The following DSCAM variants were observed in gnomAD, a reference collection of about 807,000 sequenced individuals.
DSCAM encodes the protein DS cell adhesion molecule, also known as cell adhesion molecule DSCAM.
In DSCAM, 47 loss-of-function variants were observed where a neutral mutation model predicts 217.7. The ratio of observed to expected loss-of-function variants is 0.22; its 90% CI spans 0.17 to 0.28. DSCAM has a LOEUF of 0.28. Ranked by LOEUF, DSCAM falls within the 10% of genes least tolerant of loss-of-function variation. The probability of loss-of-function intolerance (pLI) is 1.00; values close to 1 mark genes in which losing one functional copy is unlikely to be tolerated. For synonymous variants in DSCAM, 1,056 were observed against 1,015.3 expected (o/e 1.04, Z -0.76); for missense variants, 2,080 against 2,618.3 (o/e 0.79, Z 4.49).
rs760511172 is a variant in DSCAM, at chr21:40,620,376, AAG to A, written c.508+72432_508+72433del. On this transcript the variant is annotated intron_variant, in intron 3 of 32. Coordinates refer to ENST00000400454, the MANE Select transcript of DSCAM (RefSeq NM_001389.5). ...GAGAGAGAAAAAAGAAAAAGAAAGA[AAG>A]AAAGAAAGAGAAAGAAAGAAAGAAA... Among the ~76,000 whole-genome samples the A allele has an allele frequency of 3.1e-5, 3 of 98,206 alleles. 1 individual carries two copies. The highest frequency in any genetic ancestry group is 5.0e-5 in the Non-Finnish European group (2 of 40,172). 64.4% of individuals were successfully genotyped at this position (98,206 alleles called of 152,430 possible).
intron 11 of DSCAM, among the ~76,000 whole-genome samples, chr21:40,198,011 G>A (rs2091032389): frequency 6.6e-6 from 1 of 152,104 alleles, no homozygotes; most frequent in South Asian, 2.1e-4. Context: ...GAACACCCTT[G>A]GAAGCCCCTC....
chr21:40,556,655 G>C (rs963992646), intron 3 of DSCAM, among the ~76,000 whole-genome samples: 1 of 117,350 alleles, frequency 8.5e-6, no homozygotes, highest in Non-Finnish European at 2.0e-5. Flanking sequence ...GAGGAAGTCA[G>C]AGAGAGAGAG....
At chr21:40,467,822 C>T (rs1215205678) in intron 3 of DSCAM, among the ~76,000 whole-genome samples, 3 of 150,656 alleles carry the variant, frequency 2.0e-5, no homozygotes, top group South Asian at 2.1e-4. Context: ...GAAAATAAAT[C>T]GTGGGACCCC....
intron 28 of DSCAM, among the ~76,000 whole-genome samples, chr21:40,062,267 C>T (rs892757584): frequency 3.9e-5 from 6 of 152,198 alleles, no homozygotes; most frequent in African/African-American, 1.2e-4. Flanking sequence ...CATTCTCGTA[C>T]TCATTCAATA....
chr21:40,190,859 T>C (rs2090946135), intron 11 of DSCAM, among the ~76,000 whole-genome samples: 1 of 152,202 alleles, frequency 6.6e-6, no homozygotes, highest in African/African-American at 2.4e-5. Context: ...GATGATACAG[T>C]TGTCAGATAC....
At chr21:40,468,998 C>T (rs762784059) in intron 3 of DSCAM, among the ~76,000 whole-genome samples, 10 of 152,050 alleles carry the variant, frequency 6.6e-5, no homozygotes, top group Non-Finnish European at 1.0e-4. Flanking sequence ...CAAGATGCCA[C>T]TCAGTGCCCA....
chr21:40,102,475 C>T (rs1468841765), intron 20 of DSCAM, among the ~76,000 whole-genome samples: 1 of 152,116 alleles, frequency 6.6e-6, no homozygotes, highest in Non-Finnish European at 1.5e-5. Flanking sequence ...TTTACTCTTC[C>T]AGTCAAAAGA....
intron 3 of DSCAM, among the ~76,000 whole-genome samples, chr21:40,660,563 A>C (rs1202079494): frequency 6.6e-6 from 1 of 152,226 alleles, no homozygotes; most frequent in Non-Finnish European, 1.5e-5. Flanking sequence ...TGTTCATTAC[A>C]CACAGAATAA....
chr21:40,256,508 T>C (rs2073374457), intron 11 of DSCAM, among the ~76,000 whole-genome samples: 1 of 151,948 alleles, frequency 6.6e-6, no homozygotes, highest in African/African-American at 2.4e-5. Flanking sequence ...TCCATGAAAT[T>C]GTGTGGGCTA....
At chr21:40,821,149 T>TATAC (rs985139453) in intron 1 of DSCAM, among the ~76,000 whole-genome samples, 2 of 150,916 alleles carry the variant, frequency 1.3e-5, no homozygotes, top group African/African-American at 4.9e-5. Flanking sequence ...TATATATATA[T>TATAC]ACACACTCTA....
intron 20 of DSCAM, among the ~76,000 whole-genome samples, chr21:40,120,314 T>G (rs2146659591): frequency 6.6e-6 from 1 of 152,338 alleles, no homozygotes; most frequent in South Asian, 2.1e-4. Context: ...GAGAAGTCTG[T>G]GCTTCCTAAT....
intron 3 of DSCAM, among the ~76,000 whole-genome samples, chr21:40,506,914 A>T (rs2076214238): frequency 6.6e-6 from 1 of 152,234 alleles, no homozygotes; most frequent in South Asian, 2.1e-4. Flanking sequence ...TAAAACATAA[A>T]TCACAAATAC....
intron 28 of DSCAM, among the ~76,000 whole-genome samples, chr21:40,058,198 C>A (rs1293165289): frequency 2.0e-5 from 3 of 152,058 alleles, no homozygotes; most frequent in Non-Finnish European, 4.4e-5. Context: ...TTTCTCTTTG[C>A]ACTTGGCTGT....
At chr21:40,812,951 A>G (rs918350945) in intron 1 of DSCAM, among the ~76,000 whole-genome samples, 4 of 152,244 alleles carry the variant, frequency 2.6e-5, no homozygotes, top group African/African-American at 7.2e-5. Context: ...AAATTCAACA[A>G]TACGTATGTC....
intron 3 of DSCAM, among the ~76,000 whole-genome samples, chr21:40,508,739 A>T (rs866389291): frequency 9.5e-3 from 22 of 2,328 alleles, no homozygotes; most frequent in Admixed American, 0.024. Context: ...CGGCAAATAT[A>T]TATATATATA....
At chr21:40,616,551 G>A (rs2089396989) in intron 3 of DSCAM, among the ~76,000 whole-genome samples, 1 of 152,196 alleles carries the variant, frequency 6.6e-6, no homozygotes, top group African/African-American at 2.4e-5. Context: ...GAGTGAGTGT[G>A]TCTTGCGCAA....
intron 3 of DSCAM, among the ~76,000 whole-genome samples, chr21:40,476,058 G>A (rs776998663): frequency 2.6e-5 from 4 of 152,146 alleles, no homozygotes; most frequent in African/African-American, 4.8e-5. Context: ...CCACCTCATA[G>A]AGAAAGGGAC....
intron 11 of DSCAM, among the ~76,000 whole-genome samples, chr21:40,195,220 A>C (rs1418568420): frequency 6.6e-6 from 1 of 152,192 alleles, no homozygotes; most frequent in East Asian, 1.9e-4. Flanking sequence ...TAAATCACTG[A>C]TATTAAAGAC....
chr21:40,564,352 TC>T (rs2076748998), intron 3 of DSCAM, among the ~76,000 whole-genome samples: 1 of 152,170 alleles, frequency 6.6e-6, no homozygotes. Context: ...CCTTCCAAGT[TC>T]TTCACGGATG....
Sources: gnomAD v4.1 joint callset for allele counts (sites outside exome capture counted in the v4.1 genomes callset) on GRCh38, gnomAD v4.1.1 for gene constraint, MANE v1.5 for transcripts, NCBI Gene and HGNC (gene_info 2026-07-23, HGNC 2026-07-21) for gene names.